ULK4: variants seen among roughly 807,000 people sequenced by gnomAD.
The protein encoded by ULK4 is inactive serine/threonine-protein kinase ULK4.
In ULK4, 133 loss-of-function variants were observed where a neutral mutation model predicts 160.6. The ratio of observed to expected loss-of-function variants is 0.83; its 90% confidence interval spans 0.72 to 0.96. The LOEUF (loss-of-function observed/expected upper bound fraction) is 0.96. Ranked by LOEUF, ULK4 falls within the 40% of genes least tolerant of loss-of-function variation. The pLI is 0.00. For missense variants in ULK4, 1,580 were observed against 1,499.5 expected, an observed-to-expected ratio of 1.05 and a Z score of -0.89; for synonymous variants, 534 against 539.8, an observed-to-expected ratio of 0.99 and a Z score of 0.15.
intron 35 of ULK4, among the ~76,000 whole-genome samples, chr3:41,349,856 T>TA (rs2080874032): frequency 6.6e-6 from 1 of 152,192 alleles, no homozygotes; most frequent in African/African-American, 2.4e-5. Flanking sequence ...AATTTTTCTA[T>TA]AAATAATTTT....
At chr3:41,943,191 C>T (rs368653711) in intron 2 of ULK4, among the ~76,000 whole-genome samples, 4 of 140,796 alleles carry the variant, frequency 2.8e-5, no homozygotes, top group East Asian at 2.1e-4. Context: ...CCAGCCTGGG[C>T]GACAGAGCGA....
intron 35 of ULK4, among the ~76,000 whole-genome samples, chr3:41,365,250 C>T (rs532705792): frequency 5.5e-4 from 83 of 152,246 alleles, no homozygotes; most frequent in African/African-American, 1.6e-3. Context: ...ACACTTGCCT[C>T]ATTTAAGAAA....
intron 30 of ULK4, among the ~76,000 whole-genome samples, chr3:41,645,299 G>A (rs565304548): frequency 1.3e-5 from 2 of 151,162 alleles, no homozygotes; most frequent in Non-Finnish European, 2.9e-5. Context: ...TGTCAATATT[G>A]GATCTTTCCT....
intron 22 of ULK4, among the ~76,000 whole-genome samples, chr3:41,742,299 A>G (rs969755593): frequency 6.6e-6 from 1 of 152,022 alleles, no homozygotes; most frequent in African/African-American, 2.4e-5. Flanking sequence ...AGTGTCTATA[A>G]GACCCAGCAG....
chr3:41,744,734 A>ACATCCC (rs1357137461), intron 22 of ULK4, among the ~76,000 whole-genome samples: 8 of 151,888 alleles, frequency 5.3e-5, no homozygotes, highest in Non-Finnish European at 1.0e-4. Flanking sequence ...CATATAAAGA[A>ACATCCC]CATCCCCAAC....
At chr3:41,807,779 G>C (rs76488371) in intron 19 of ULK4, among the ~76,000 whole-genome samples, 1,899 of 152,154 alleles carry the variant, frequency 0.012, 36 homozygotes, top group African/African-American at 0.041. Flanking sequence ...TCTCAGAATG[G>C]CTATCTGAGA....
At position 41,955,922 on chromosome 3, in the gene ULK4, G is replaced by C. The variant is rs563844779; in HGVS notation, c.-48-1115C>G. ...CGTTACAATGGAAACCTGGTACAAG[G>C]GAAAACAACATCTGCACAGTGGGAT... is the stretch of plus-strand genomic sequence containing the variant. On this transcript the variant is annotated intron_variant, in intron 1 of 36. Coordinates refer to ENST00000301831, the MANE Select transcript of ULK4 (RefSeq NM_017886.4). Among the ~76,000 whole-genome samples, 3 of 152,276 alleles carry C rather than the reference G, an allele frequency of 2.0e-5. 1 individual carries two copies. The South Asian group carries it at 6.2e-4, about 32-fold the overall frequency.
At chr3:41,747,157 C>T (rs935238849) in intron 22 of ULK4, among the ~76,000 whole-genome samples, 3 of 151,720 alleles carry the variant, frequency 2.0e-5, no homozygotes, top group Non-Finnish European at 4.4e-5. Context: ...ATAAAGTGAA[C>T]CCATTAAAAT....
intron 20 of ULK4, among the ~76,000 whole-genome samples, chr3:41,790,077 A>G (rs1374437260): frequency 6.6e-6 from 1 of 152,260 alleles, no homozygotes; most frequent in Non-Finnish European, 1.5e-5. Context: ...AGTAATAACC[A>G]TTAAATTGAT....
At chr3:41,441,865 T>C (rs1375454477) in intron 34 of ULK4, among the ~76,000 whole-genome samples, 1 of 152,234 alleles carries the variant, frequency 6.6e-6, no homozygotes, top group Non-Finnish European at 1.5e-5. Context: ...TCATGTGGTT[T>C]GTTTAGCACT....
chr3:41,409,353 A>G (rs1403114915), intron 34 of ULK4, among the ~76,000 whole-genome samples: 1 of 152,234 alleles, frequency 6.6e-6, no homozygotes, highest in Non-Finnish European at 1.5e-5. Flanking sequence ...TGATGCCAAC[A>G]GCACAAGCAA....
intron 30 of ULK4, among the ~76,000 whole-genome samples, chr3:41,649,095 T>C (rs1479641560): frequency 6.7e-6 from 1 of 150,278 alleles, no homozygotes; most frequent in East Asian, 2.0e-4. Flanking sequence ...GCCACTGCAC[T>C]CCAGCCTGGG....
chr3:41,780,666 C>T (rs1429300639), intron 21 of ULK4, among the ~76,000 whole-genome samples: 2 of 152,192 alleles, frequency 1.3e-5, no homozygotes, highest in Non-Finnish European at 2.9e-5. Context: ...TCCAACCACA[C>T]AAGCACCAAC....
intron 27 of ULK4, among the ~76,000 whole-genome samples, chr3:41,692,211 A>G (rs1432588211): frequency 2.0e-5 from 3 of 149,048 alleles, no homozygotes; most frequent in African/African-American, 7.3e-5. Context: ...TCGGCCTCCC[A>G]AAGTGCTGGG....
intron 32 of ULK4, among the ~76,000 whole-genome samples, chr3:41,489,407 C>G (rs1200095133): frequency 6.6e-6 from 1 of 152,144 alleles, no homozygotes; most frequent in Admixed American, 6.5e-5. Context: ...CCTCAGAAGA[C>G]TGAAAGTATT....
intron 33 of ULK4, 63 bp downstream of exon 33, chr3:41,463,024 G>T: frequency 6.5e-7 from 1 of 1,532,278 alleles, no homozygotes; most frequent in Non-Finnish European, 8.9e-7. Context: ...AGAAAGAAGA[G>T]AATGAAAGGG....
chr3:41,883,847 T>C (rs766805113), intron 17 of ULK4, 27 bp downstream of exon 17: 27 of 1,551,274 alleles, frequency 1.7e-5, no homozygotes, highest in Admixed American at 1.5e-4. Flanking sequence ...TTGACATTCA[T>C]CACATTTAAG....
At position 41,589,782 on chromosome 3, in the gene ULK4, A is replaced by G. The variant is rs544660324; in HGVS notation, c.3121-23652T>C. The stretch of plus-strand genomic sequence containing the variant: ...TGACAGACTTAATGCAAAATATACA[A>G]TGTCAGAAATGAAATATTGCTACAC... On this transcript the variant is annotated intron_variant, in intron 31 of 36. Transcript: ENST00000301831. Among the ~76,000 whole-genome samples the G allele has an allele frequency of 6.4e-4, 97 of 152,270 alleles. 1 individual carries two copies. The highest frequency in any genetic ancestry group is 2.2e-3 in the African/African-American group (93 of 41,576).
chr3:41,415,091 T>C (rs1261170730), intron 34 of ULK4, among the ~76,000 whole-genome samples: 1 of 152,218 alleles, frequency 6.6e-6, no homozygotes, highest in African/African-American at 2.4e-5. Flanking sequence ...TCTTTCCATG[T>C]ACATTATGAA....
Sources: gnomAD v4.1 joint callset for allele counts (sites outside exome capture counted in the v4.1 genomes callset) on GRCh38, gnomAD v4.1.1 for gene constraint, MANE v1.5 for transcripts, NCBI Gene and HGNC (gene_info 2026-07-23, HGNC 2026-07-21) for gene names.